The following BLTP3B variants were observed in gnomAD, a reference collection of about 807,000 sequenced individuals.
The protein encoded by BLTP3B is bridge-like lipid transfer protein family member 3B.
the BLTP3B span, among the ~76,000 whole-genome samples, chr12:100,088,611 A>G: frequency 6.6e-6 from 1 of 152,250 alleles, no homozygotes; most frequent in Non-Finnish European, 1.5e-5. Context: ...AAGTTAATTC[A>G]AAGGCGAGTC....
the BLTP3B span, among the ~76,000 whole-genome samples, chr12:100,105,249 T>A: frequency 8.6e-5 from 13 of 151,976 alleles, no homozygotes; most frequent in East Asian, 2.6e-3. Flanking sequence ...TGCAAGTCTA[T>A]AGTAACCAAA....
chr12:100,047,813 C>CA, the BLTP3B span: 1 of 1,174,622 alleles, frequency 8.5e-7, no homozygotes, highest in Non-Finnish European at 1.2e-6. Flanking sequence ...CATCATTTAC[C>CA]AAAAAAGACA....
chr12:100,130,982 G>GGAGGGAGAGAGAGAGAGAGA, the BLTP3B span, among the ~76,000 whole-genome samples: 1 of 62,238 alleles, frequency 1.6e-5, no homozygotes, highest in Non-Finnish European at 2.9e-5. Flanking sequence ...AGAGAGGGAG[G>GGAGGGAGAGAGAGAGAGAGA]GAGAGAGAGA....
the BLTP3B span, among the ~76,000 whole-genome samples, chr12:100,134,693 C>T: frequency 1.6e-4 from 25 of 152,130 alleles, no homozygotes; most frequent in African/African-American, 5.8e-4. Context: ...CATAAGCCTG[C>T]TCCTCCTGCA....
At chr12:100,108,075 AT>A in the BLTP3B span, among the ~76,000 whole-genome samples, 2 of 151,974 alleles carry the variant, frequency 1.3e-5, no homozygotes, top group African/African-American at 2.4e-5. Flanking sequence ...CCATTTGACA[AT>A]AAAACTTATG....
chr12:100,093,269 A>G, the BLTP3B span, among the ~76,000 whole-genome samples: 2 of 152,150 alleles, frequency 1.3e-5, no homozygotes, highest in African/African-American at 2.4e-5. Context: ...CTTCAATTCT[A>G]TATCTGTTTA....
the BLTP3B span, among the ~76,000 whole-genome samples, chr12:100,105,482 A>T: frequency 3.9e-4 from 59 of 152,338 alleles, no homozygotes; most frequent in Non-Finnish European, 6.6e-4. Flanking sequence ...AAAAGTGGAT[A>T]GCCACATGTA....
At chr12:100,048,165 T>G in the BLTP3B span, 1 of 1,601,760 alleles carries the variant, frequency 6.2e-7, no homozygotes, top group Non-Finnish European at 8.5e-7. Flanking sequence ...CAGGAGAGGA[T>G]TTGGAATGAA....
At chr12:100,058,227 G>A in the BLTP3B span, 825 of 1,612,526 alleles carry the variant, frequency 5.1e-4, 5 homozygotes, top group African/African-American at 7.7e-3. Flanking sequence ...AAGTATATTC[G>A]AATCTTCTCT....
At chr12:100,075,457 G>A in the BLTP3B span, among the ~76,000 whole-genome samples, 2 of 152,052 alleles carry the variant, frequency 1.3e-5, no homozygotes, top group South Asian at 2.1e-4. Context: ...AGACCTCAAC[G>A]GCAATCACAA....
At chr12:100,090,582 T>A in the BLTP3B span, among the ~76,000 whole-genome samples, 1 of 152,272 alleles carries the variant, frequency 6.6e-6, no homozygotes, top group South Asian at 2.1e-4. Flanking sequence ...ACATATTACA[T>A]CTATGAAGAA....
chr12:100,136,725 T>C, the BLTP3B span, among the ~76,000 whole-genome samples: 3 of 152,214 alleles, frequency 2.0e-5, no homozygotes, highest in Admixed American at 1.3e-4. Flanking sequence ...CCTAGCAGTA[T>C]TGATCTCCAA....
chr12:100,088,759 T>G, the BLTP3B span, among the ~76,000 whole-genome samples: 1 of 152,242 alleles, frequency 6.6e-6, no homozygotes, highest in East Asian at 1.9e-4. Flanking sequence ...TACCAATATA[T>G]GCTTCCAGTT....
At chr12:100,079,409 CTT>C in the BLTP3B span, among the ~76,000 whole-genome samples, 1 of 152,170 alleles carries the variant, frequency 6.6e-6, no homozygotes, top group South Asian at 2.1e-4. Flanking sequence ...AAAGGTGACT[CTT>C]GTTATGTTTT....
chr12:100,116,935 C>T, the BLTP3B span, among the ~76,000 whole-genome samples: 12 of 152,046 alleles, frequency 7.9e-5, no homozygotes, highest in Non-Finnish European at 7.4e-5. Flanking sequence ...GTTGAAGGGA[C>T]AGAGGAGCCG....
the BLTP3B span, chr12:100,089,185 A>G: frequency 4.5e-6 from 5 of 1,099,782 alleles, no homozygotes; most frequent in Non-Finnish European, 5.0e-6. Flanking sequence ...GAAAGTCATG[A>G]AAAATAACCA....
the BLTP3B span, among the ~76,000 whole-genome samples, chr12:100,066,410 C>A: frequency 6.6e-6 from 1 of 152,004 alleles, no homozygotes; most frequent in Non-Finnish European, 1.5e-5. Context: ...AGATAGATAG[C>A]AACACAATAA....
the BLTP3B span, among the ~76,000 whole-genome samples, chr12:100,038,156 T>C: frequency 2.0e-5 from 3 of 152,188 alleles, no homozygotes; most frequent in Non-Finnish European, 4.4e-5. Flanking sequence ...TCATCTTTTC[T>C]TCTACTTTTT....
chr12:100,118,135 G>A, the BLTP3B span, among the ~76,000 whole-genome samples: 2 of 152,054 alleles, frequency 1.3e-5, no homozygotes, highest in East Asian at 3.9e-4. Flanking sequence ...GAAAACAGCA[G>A]ACAAACCCCA....
Sources: gnomAD v4.1 joint callset for allele counts (sites outside exome capture counted in the v4.1 genomes callset) on GRCh38, gnomAD v4.1.1 for gene constraint, MANE v1.5 for transcripts, NCBI Gene and HGNC (gene_info 2026-07-23, HGNC 2026-07-21) for gene names.